Variants in MCM4 observed in about 807,000 individuals in gnomAD.
The protein encoded by MCM4 is DNA replication licensing factor MCM4.
A neutral mutation model predicts 88.7 loss-of-function variants in MCM4; 60 were observed. The observed-to-expected ratio is 0.68, with a 90% CI of 0.55 to 0.84. MCM4 has a LOEUF of 0.84. Ranked by LOEUF, MCM4 falls within the 40% of genes least tolerant of loss-of-function variation. The pLI is 0.00. For synonymous variants in MCM4, 465 were observed against 410.5 expected, an observed-to-expected ratio of 1.13 and a Z score of -1.61; for missense variants, 1,149 against 1,105.5, an observed-to-expected ratio of 1.04 and a Z score of -0.56.
At chr8:47,973,748 A>G (rs558893420) in intron 14 of MCM4, 1 of 152,422 alleles carries the variant, frequency 6.6e-6, no homozygotes, top group South Asian at 2.1e-4. Flanking sequence ...TCGGCCTCCC[A>G]AAGTGCTGGG....
intron 7 of MCM4, among the ~76,000 whole-genome samples, chr8:47,963,279 C>T (rs146006782): frequency 6.6e-6 from 1 of 151,934 alleles, no homozygotes. Context: ...AAAGTGAAAC[C>T]CCATCTGTAC....
rs1377674647 is a variant in MCM4 at position 47,972,838 on chromosome 8, T to C, written c.1929-19T>C. The C allele has an allele frequency of 6.2e-7, 1 of 1,608,190 alleles. No individual in the cohort carries two copies. Among genetic ancestry groups the C allele is most frequent in the Admixed American group, 1.7e-5 (1 of 59,944 alleles). The stretch of plus-strand genomic sequence containing the variant: ...TCACAAGGTGCTGGAAAAACAGTAT[T>C]TTTACTTTGTTTTCTTAGGTTTGAT... On this transcript the variant is annotated intron_variant, in intron 13 of 16. Coordinates refer to ENST00000649973, the MANE Select transcript of MCM4 (RefSeq NM_182746.3).
chr8:47,963,749 G>C (rs940873873), intron 7 of MCM4, among the ~76,000 whole-genome samples: 1 of 152,174 alleles, frequency 6.6e-6, no homozygotes, highest in Non-Finnish European at 1.5e-5. Context: ...TATTAATGAA[G>C]TATCAGCTCT....
At chr8:47,963,724 C>A (rs545096699) in intron 7 of MCM4, among the ~76,000 whole-genome samples, 1 of 152,148 alleles carries the variant, frequency 6.6e-6, no homozygotes, top group Non-Finnish European at 1.5e-5. Flanking sequence ...TACTTCTAAG[C>A]CTCAGGTCAG....
intron 16 of MCM4, 42 bp downstream of exon 16, chr8:47,975,890 T>C (rs1236405552): frequency 5.7e-6 from 8 of 1,395,008 alleles, no homozygotes; most frequent in African/African-American, 1.5e-5. Context: ...GAGCTTTCTC[T>C]TTTTCCTTAA....
chr8:47,970,748 C>G lies in MCM4; in HGVS notation c.1672C>G (p.Leu558Val), dbSNP rs1185101361. Residue 558 changes from leucine to valine, a missense_variant, in exon 12 of 17, where the codon CTG becomes GTG. Leu to Val is a conservative substitution (Grantham distance 32, BLOSUM62 1). Around this residue, in one of 3 missense-constraint regions of MCM4, gnomAD observed 906 missense variants for 843.0 expected, o/e 1.07. Transcript: ENST00000649973. ...MKDPETRQLV[L>V]QTGALVLSDN... is the part of the protein sequence containing the mutation. Reference sequence around the variant, plus strand: ...AGACCCTGAGACAAGGCAGCTGGTCCTGCAGACAGGTGCTCTTGTCCTGAG... The same window carrying G: ...AGACCCTGAGACAAGGCAGCTGGTCGTGCAGACAGGTGCTCTTGTCCTGAG... 1.2e-6 allele frequency: 2 copies of G among 1,614,100 alleles called. No individual in the cohort carries two copies. The highest frequency in any genetic ancestry group is 1.3e-5 in the African/African-American group (1 of 74,946).
At chr8:47,972,224 A>G (rs1408539829) in intron 13 of MCM4, among the ~76,000 whole-genome samples, 1 of 141,680 alleles carries the variant, frequency 7.1e-6, no homozygotes, top group Non-Finnish European at 1.5e-5. Context: ...CTACAGAGTG[A>G]GACTCTGTCT....
Position 47,962,175 on chromosome 8 carries a change from T to A in MCM4, c.358T>A (p.Ser120Thr). ...TGTGAGACAGAGGCCTGACCTGGGCTCTGCACAGAAGGGCCTGCAAGTGGA... is the reference window on the plus strand; with the variant it reads ...TGTGAGACAGAGGCCTGACCTGGGCACTGCACAGAAGGGCCTGCAAGTGGA... ...TPVRQRPDLG[S>T]AQKGLQVDLQ... is the part of the protein sequence containing the mutation. Residue 120 changes from serine (S) to threonine (T), a missense_variant, in exon 4 of 17, where the codon TCT (serine) becomes ACT (threonine). Around this residue, in one of 3 missense-constraint regions of MCM4, gnomAD observed 906 missense variants for 843.0 expected, o/e 1.07. Coordinates refer to ENST00000649973, the MANE Select transcript of MCM4 (RefSeq NM_182746.3). The A allele has an allele frequency of 6.2e-7, 1 of 1,614,196 alleles. No individual in the cohort carries two copies. Among genetic ancestry groups the A allele is most frequent in the Non-Finnish European group, 8.5e-7 (1 of 1,180,028 alleles).
intron 10 of MCM4, among the ~76,000 whole-genome samples, chr8:47,968,217 GTGCCTGAATC>G (rs1563833262): frequency 6.6e-6 from 1 of 152,198 alleles, no homozygotes; most frequent in Non-Finnish European, 1.5e-5. Context: ...CGGTCGCGGA[GTGCCTGAATC>G]TGCTCCTGAG....
At position 47,970,766 on chromosome 8, in the gene MCM4, G is replaced by T; in HGVS notation, c.1690G>T (p.Val564Phe). The T allele has an allele frequency of 6.2e-7, 1 of 1,614,230 alleles. No individual in the cohort carries two copies. Among genetic ancestry groups the T allele is most frequent in the Non-Finnish European group, 8.5e-7 (1 of 1,180,048 alleles). Residue 564 changes from valine (V) to phenylalanine (F), a missense_variant, in exon 12 of 17, where the codon GTC becomes TTC. Val to Phe is a conservative substitution (Grantham distance 50). Around this residue, in one of 3 missense-constraint regions of MCM4, gnomAD observed 906 missense variants for 843.0 expected, o/e 1.07. Transcript: ENST00000649973. Reference protein sequence around the residue: ...RQLVLQTGALVLSDNGICCID... With the variant: ...RQLVLQTGALFLSDNGICCID... ...GCTGGTCCTGCAGACAGGTGCTCTT[G>T]TCCTGAGTGACAACGGCATCTGCTG...
rs755321187 is a variant in MCM4 at position 47,969,931 on chromosome 8, A to G, written c.1308A>G (p.Ala436=). 3.7e-6 allele frequency: 6 copies of G among 1,614,140 alleles called. No homozygotes were observed. The highest frequency in any genetic ancestry group is 5.1e-6 in the Non-Finnish European group (6 of 1,180,056). The change falls in exon 11 of 17, where the codon GCA becomes GCG. Residue 436 remains alanine, a synonymous_variant. Transcript: ENST00000649973. ...GTCTGCATGGCCTTGATGAAGAAGC[A>G]GAACAGAAACTTTTTTCAGAGAAAC... is the stretch of plus-strand genomic sequence containing the variant. ...AKRLHGLDEE[A]EQKLFSEKRV...
At position 47,970,585 on chromosome 8, in the gene MCM4, G is replaced by A; in HGVS notation, c.1509G>A (p.Glu503=). The A allele has an allele frequency of 6.2e-7, 1 of 1,614,164 alleles. No homozygotes were observed. Among genetic ancestry groups the A allele is most frequent in the South Asian group, 1.1e-5 (1 of 91,086 alleles). The change falls in exon 12 of 17, where the codon GAG becomes GAA. Residue 503 remains glutamate (E), a synonymous_variant. Transcript: ENST00000649973. Reference sequence around the variant, plus strand: ...CTGGAAGGGGCAAATTTCGGGCTGAGATCAACATCTTGCTGTGTGGCGACC... The same window carrying A: ...CTGGAAGGGGCAAATTTCGGGCTGAAATCAACATCTTGCTGTGTGGCGACC... The part of the protein sequence containing the change: ...SHTGRGKFRA[E]INILLCGDPG...
intron 14 of MCM4, 25 bp downstream of exon 14, chr8:47,973,089 C>T (rs2090970598): frequency 1.9e-6 from 3 of 1,596,300 alleles, no homozygotes; most frequent in South Asian, 1.1e-5. Flanking sequence ...AAAAGGCTTA[C>T]TGTGCCTGTA....
intron 13 of MCM4, among the ~76,000 whole-genome samples, chr8:47,972,505 G>A (rs2090963041): frequency 6.6e-6 from 1 of 152,124 alleles, no homozygotes; most frequent in Admixed American, 6.5e-5. Context: ...GTCGTTTGTA[G>A]GTGTATTGGT....
intron 8 of MCM4, 98 bp from the exon 9 acceptor site, chr8:47,966,089 G>T: frequency 1.1e-6 from 1 of 948,576 alleles, no homozygotes; most frequent in Non-Finnish European, 1.7e-6. Flanking sequence ...GTCGCCCTAG[G>T]CAGAGTCTTG....
At position 47,970,711 on chromosome 8, in the gene MCM4, G is replaced by T; in HGVS notation, c.1635G>T (p.Ala545=). 1.9e-6 allele frequency: 3 copies of T among 1,614,186 alleles called. No homozygotes were observed. Among genetic ancestry groups the T allele is most frequent in the East Asian group, 2.2e-5 (1 of 44,882 alleles). Residue 545 remains alanine, a synonymous_variant, in exon 12 of 17, where the codon GCG becomes GCT. Coordinates refer to ENST00000649973, the MANE Select transcript of MCM4 (RefSeq NM_182746.3). ...GCTCCAGTGCAGTTGGCCTCACTGC[G>T]TACGTAATGAAAGACCCTGAGACAA... ...GKGSSAVGLT[A]YVMKDPETRQ...
intron 8 of MCM4, among the ~76,000 whole-genome samples, chr8:47,964,932 T>C (rs906229672): frequency 2.0e-5 from 3 of 152,212 alleles, no homozygotes; most frequent in East Asian, 1.9e-4. Flanking sequence ...GATGTGACTA[T>C]TGGCCGGGCA....
At position 47,975,718 on chromosome 8, in the gene MCM4, T is replaced by A; in HGVS notation, c.2369T>A (p.Met790Lys). The A allele has an allele frequency of 6.4e-7, 1 of 1,553,646 alleles. No individual in the cohort carries two copies. The highest frequency in any genetic ancestry group is 2.3e-5 in the Admixed American group (1 of 43,824). Residue 790 changes from methionine to lysine, a missense_variant, in exon 16 of 17, where the codon ATG (methionine) becomes AAG (lysine). Physicochemically the swap from Met to Lys is moderately conservative, Grantham distance 95. This residue lies in a region of MCM4 where 238 missense variants were observed against 241.6 expected (regional missense o/e 0.99). Transcript: ENST00000649973. ...IVDISILTTG[M>K]SATSRKRKEE... The stretch of plus-strand genomic sequence containing the variant: ...CATTGATTTCTTTTTAAATCAGGGA[T>A]GAGTGCCACCTCTCGTAAACGGAAA...
chr8:47,965,511 G>A (rs1464608857), intron 8 of MCM4, among the ~76,000 whole-genome samples: 2 of 152,170 alleles, frequency 1.3e-5, no homozygotes. Context: ...TCAGTGGCAG[G>A]ATAGGGTGAT....
Sources: allele counts gnomAD v4.1 joint callset (sites outside exome capture counted in the v4.1 genomes callset), GRCh38; gene constraint gnomAD v4.1.1; regional missense constraint gnomAD v4.1.1; transcripts MANE v1.5; gene names NCBI Gene and HGNC (gene_info 2026-07-23, HGNC 2026-07-21).